The following NRXN3 variants were observed in gnomAD, a reference collection of about 807,000 sequenced individuals.
The protein encoded by NRXN3 is neurexin III.
A neutral mutation model predicts 137.6 loss-of-function variants in NRXN3; 32 were observed. That is an observed-to-expected ratio of 0.23 (90% confidence interval 0.18 to 0.31). NRXN3 has a LOEUF of 0.31. NRXN3 is among the 10% of genes least tolerant of loss of function. The pLI, the probability that NRXN3 is intolerant of heterozygous loss-of-function variation, is 1.00. For synonymous variants in NRXN3, 798 were observed against 784.5 expected (o/e 1.02, Z -0.29); for missense variants, 1,574 against 2,062.5 (o/e 0.76, Z 4.59).
chr14:79,206,342 G>C (rs1597268011), intron 15 of NRXN3, among the ~76,000 whole-genome samples: 2 of 152,322 alleles, frequency 1.3e-5, no homozygotes, highest in Middle Eastern at 6.8e-3. Context: ...CTCAGCTGAA[G>C]GAGGCTGGTC....
intron 15 of NRXN3, among the ~76,000 whole-genome samples, chr14:79,177,549 T>C (rs1214455904): frequency 6.6e-6 from 1 of 152,198 alleles, no homozygotes; most frequent in Non-Finnish European, 1.5e-5. Context: ...AACAAATAAC[T>C]TCTAAAACAG....
At chr14:79,160,001 G>A (rs139300193) in intron 15 of NRXN3, among the ~76,000 whole-genome samples, 16 of 152,002 alleles carry the variant, frequency 1.1e-4, no homozygotes, top group African/African-American at 3.4e-4. Context: ...TCATTGGAAT[G>A]AAATGGCTTG....
chr14:78,262,003 A>T (rs1419265910), intron 2 of NRXN3, among the ~76,000 whole-genome samples: 1 of 152,146 alleles, frequency 6.6e-6, no homozygotes, highest in Non-Finnish European at 1.5e-5. Flanking sequence ...ATTACTTGTG[A>T]TGAGTGCTGT....
chr14:78,666,937 A>C (rs1254948687), intron 6 of NRXN3, among the ~76,000 whole-genome samples: 2 of 151,964 alleles, frequency 1.3e-5, no homozygotes, highest in Non-Finnish European at 2.9e-5. Flanking sequence ...CCTAAATTTA[A>C]CCAGAGTAGT....
chr14:78,734,708 C>G (rs1484352212), intron 8 of NRXN3, among the ~76,000 whole-genome samples: 1 of 152,090 alleles, frequency 6.6e-6, no homozygotes, highest in Non-Finnish European at 1.5e-5. Flanking sequence ...GAAGGTGTTA[C>G]CAGACAAAGA....
chr14:78,239,538 A>G (rs896638953), intron 1 of NRXN3, among the ~76,000 whole-genome samples: 2 of 152,102 alleles, frequency 1.3e-5, no homozygotes, highest in African/African-American at 4.8e-5. Flanking sequence ...GTCCGGCTTC[A>G]TGTCTTCCAC....
chr14:78,815,732 C>G (rs531078870), intron 10 of NRXN3, among the ~76,000 whole-genome samples: 3 of 152,182 alleles, frequency 2.0e-5, no homozygotes, highest in Non-Finnish European at 4.4e-5. Context: ...CTGAGAATCT[C>G]AGAGCCAAAT....
chr14:78,258,954 A>G (rs1204878674), intron 2 of NRXN3, among the ~76,000 whole-genome samples: 2 of 152,050 alleles, frequency 1.3e-5, no homozygotes, highest in African/African-American at 4.8e-5. Context: ...AACATAGTGA[A>G]ACACCGTTTC....
At chr14:79,030,055 T>C (rs991532080) in intron 15 of NRXN3, among the ~76,000 whole-genome samples, 27 of 150,460 alleles carry the variant, frequency 1.8e-4, no homozygotes, top group African/African-American at 6.4e-4. Flanking sequence ...CTTTCTTTTT[T>C]TTTTTTTGTA....
rs1329594288 is a variant in NRXN3, at chr14:79,155,055, C to A, written c.3262+166914C>A. ...ACTCAAGAGGTTGTGGCATCCTATTCATTGTCAACTACTGGACTTTTTCCT... is the reference window on the plus strand; with the variant it reads ...ACTCAAGAGGTTGTGGCATCCTATTAATTGTCAACTACTGGACTTTTTCCT... On this transcript the variant is annotated intron_variant, in intron 15 of 20. Coordinates refer to ENST00000335750, the MANE Select transcript of NRXN3 (RefSeq NM_001330195.2). Among the ~76,000 whole-genome samples the A allele has an allele frequency of 2.0e-5, 3 of 151,870 alleles. No homozygotes were observed. In the East Asian group the frequency reaches 5.8e-4, roughly 30 times the overall value.
Position 78,968,330 on chromosome 14 carries a change from C to G in NRXN3, c.3126C>G (p.Ile1042Met). The G allele has an allele frequency of 6.2e-7, 1 of 1,613,630 alleles. No individual in the cohort carries two copies. Among genetic ancestry groups the G allele is most frequent in the Non-Finnish European group, 8.5e-7 (1 of 1,179,670 alleles). The change falls in exon 14 of 21, where the codon ATC becomes ATG. Residue 1042 changes from isoleucine to methionine, a missense_variant. Coordinates refer to ENST00000335750, the MANE Select transcript of NRXN3 (RefSeq NM_001330195.2). ...INDALHRSGQ[I>M]ERGCEGPSTT... is the part of the protein sequence containing the mutation. ...ATGCTCTTCATCGGAGCGGACAGATCGAGCGTGGCTGTGAAGGTACAACCT... is the reference window on the plus strand; with the variant it reads ...ATGCTCTTCATCGGAGCGGACAGATGGAGCGTGGCTGTGAAGGTACAACCT...
At chr14:79,449,956 A>G (rs2096136524) in intron 15 of NRXN3, among the ~76,000 whole-genome samples, 1 of 133,816 alleles carries the variant, frequency 7.5e-6, no homozygotes, top group Admixed American at 9.2e-5. Context: ...GCACCACTGC[A>G]CTCCAGCCTG....
At chr14:79,575,320 C>G (rs539516000) in intron 16 of NRXN3, among the ~76,000 whole-genome samples, 1 of 151,846 alleles carries the variant, frequency 6.6e-6, no homozygotes, top group South Asian at 2.1e-4. Flanking sequence ...CAGTAGAAGA[C>G]GGAAGCGTGG....
chr14:79,177,973 A>G (rs943761857), intron 15 of NRXN3, among the ~76,000 whole-genome samples: 2 of 152,238 alleles, frequency 1.3e-5, no homozygotes, highest in Non-Finnish European at 2.9e-5. Context: ...CATCATTTCC[A>G]GTAACTTTTT....
intron 19 of NRXN3, among the ~76,000 whole-genome samples, chr14:79,728,677 CATA>C (rs1418071354): frequency 1.3e-5 from 2 of 152,312 alleles, no homozygotes; most frequent in Non-Finnish European, 2.9e-5. Context: ...GGAGAGGTGC[CATA>C]ATGATTTCCT....
chr14:78,778,678 T>TTTTC (rs56391630), intron 8 of NRXN3, among the ~76,000 whole-genome samples: 21,157 of 113,946 alleles, frequency 0.19, 2,344 homozygotes, highest in East Asian at 0.23. Context: ...TTCTCTTTTC[T>TTTTC]TTTCTTTCTT....
At chr14:78,866,792 ATCT>A (rs1159184836) in intron 10 of NRXN3, among the ~76,000 whole-genome samples, 1 of 142,394 alleles carries the variant, frequency 7.0e-6, no homozygotes, top group East Asian at 2.0e-4. Flanking sequence ...TATTACCTTC[ATCT>A]TTTTTTTTTT....
At chr14:79,115,468 A>T (rs933875038) in intron 15 of NRXN3, among the ~76,000 whole-genome samples, 3 of 152,176 alleles carry the variant, frequency 2.0e-5, no homozygotes, top group African/African-American at 7.2e-5. Context: ...ATGGTACAAG[A>T]TGATTCTTTT....
At chr14:78,230,184 CT>C (rs1257182152) in intron 1 of NRXN3, among the ~76,000 whole-genome samples, 1 of 152,038 alleles carries the variant, frequency 6.6e-6, no homozygotes, top group Non-Finnish European at 1.5e-5. Context: ...GCCACCACAC[CT>C]GACTAATTTT....
Sources: gnomAD v4.1 joint callset for allele counts (sites outside exome capture counted in the v4.1 genomes callset) on GRCh38, gnomAD v4.1.1 for gene constraint, MANE v1.5 for transcripts, NCBI Gene and HGNC (gene_info 2026-07-23, HGNC 2026-07-21) for gene names.